The following FBRS variants were observed in gnomAD, a reference collection of about 807,000 sequenced individuals.
The protein encoded by FBRS is fibrosin, also known as probable fibrosin-1.
In FBRS, 15 loss-of-function variants were observed where a neutral mutation model predicts 86.1. The observed-to-expected ratio is 0.17, with a 90% CI of 0.12 to 0.27. The LOEUF (loss-of-function observed/expected upper bound fraction) is 0.27. Ranked by LOEUF, FBRS falls within the 10% of genes least tolerant of loss-of-function variation. The pLI is 1.00. For synonymous variants in FBRS, 666 were observed against 575.8 expected, an observed-to-expected ratio of 1.16 and a Z score of -2.24; for missense variants, 1,367 against 1,301.6, an observed-to-expected ratio of 1.05 and a Z score of -0.77.
Position 30,659,198 on chromosome 16 carries a change from G to T in FBRS, c.-321G>T, listed in dbSNP as rs1410502468. 6.5e-6 allele frequency: 1 copy of T among 154,794 alleles called. No individual in the cohort carries two copies. The highest frequency in any genetic ancestry group is 2.4e-5 in the African/African-American group (1 of 41,506). 9.6% of individuals were successfully genotyped at this position (154,794 alleles called of 1,614,324 possible). A position where few individuals can be genotyped will look rare whatever the true frequency, so the allele number is the denominator to read the frequency against. On this transcript the variant is annotated 5_prime_UTR_variant, in exon 1 of 18. Transcript: ENST00000356166. The stretch of plus-strand genomic sequence containing the variant: ...GGGGTGGCCACCGCACTAGGCCGCC[G>T]GACACTGTCGGGTCGTCTTAAAGGG...
At position 30,664,232 on chromosome 16, in the gene FBRS, C is replaced by G. The variant is rs548361821; in HGVS notation, c.1073C>G (p.Pro358Arg). The change falls in exon 7 of 18, where the codon CCC (proline) becomes CGC (arginine). Residue 358 changes from proline (P) to arginine (R), a missense_variant. This residue lies in a region of FBRS where 702 missense variants were observed against 598.7 expected (regional missense o/e 1.17). Coordinates refer to ENST00000356166, the MANE Select transcript of FBRS (RefSeq NM_001105079.3). ...LSTGSSSRPP[P>R]KAPAPPVAQP... ...CTCCCCAGCTCTTCACGGCCGCCCCCCAAGGCCCCGGCCCCTCCCGTGGCT... is the reference window on the plus strand; with the variant it reads ...CTCCCCAGCTCTTCACGGCCGCCCCGCAAGGCCCCGGCCCCTCCCGTGGCT... 47 of 1,443,394 alleles carry G rather than the reference C, an allele frequency of 3.3e-5. No homozygotes were observed. The highest frequency in any genetic ancestry group is 5.7e-5 in the African/African-American group (4 of 70,138). 89.4% of individuals were successfully genotyped at this position (1,443,394 alleles called of 1,614,324 possible).
Position 30,658,754 on chromosome 16 carries a change from C to T in FBRS, c.-765C>T, listed in dbSNP as rs1009198859. On this transcript the variant is annotated 5_prime_UTR_variant, in exon 1 of 18. Transcript: ENST00000356166. ...AGGCGGAGGCTGGAGGAGCTGGGCC[C>T]GGAGGAGGCCCCTTTAAATCTCCTT... 6.6e-5 allele frequency: 10 copies of T among 152,192 alleles called. No homozygotes were observed. Among genetic ancestry groups the T allele is most frequent in the African/African-American group, 2.4e-4 (10 of 41,438 alleles). The allele number at this position is 152,192 out of a possible 1,614,324, so 9.4% of individuals were successfully genotyped here.
intron 4 of FBRS, 148 bp from the exon 5 acceptor site, chr16:30,662,272 C>A: frequency 8.1e-7 from 1 of 1,235,744 alleles, no homozygotes. Flanking sequence ...CCCCCTAGAG[C>A]CCAGTCTTTG....
In FBRS at chr16:30,658,634, A is replaced by C. The variant is rs975416771; in HGVS notation, c.-885A>C. 1 of 152,336 alleles carries C rather than the reference A, an allele frequency of 6.6e-6. No homozygotes were observed. Among genetic ancestry groups the C allele is most frequent in the Non-Finnish European group, 1.5e-5 (1 of 68,090 alleles). 9.4% of individuals were successfully genotyped at this position (152,336 alleles called of 1,614,324 possible). The stretch of plus-strand genomic sequence containing the variant: ...GGAAGAGACTTTTATGTCGGCGGAC[A>C]GGGGAGCTGTACCCGTCACCGTTGC... On this transcript the variant is annotated 5_prime_UTR_variant, in exon 1 of 18. Coordinates refer to ENST00000356166, the MANE Select transcript of FBRS (RefSeq NM_001105079.3).
In FBRS at chr16:30,665,242, C is replaced by A; in HGVS notation, c.1609-64C>A. The A allele has an allele frequency of 6.5e-7, 1 of 1,530,034 alleles. No individual in the cohort carries two copies. The highest frequency in any genetic ancestry group is 8.8e-7 in the Non-Finnish European group (1 of 1,130,104). 94.8% of individuals were successfully genotyped at this position (1,530,034 alleles called of 1,614,324 possible). ...TTTAGGGTGGAGGCCCGTGGACTGACGGGCAGGCTGGACTTGGGCTGCGCC... is the reference window on the plus strand; with the variant it reads ...TTTAGGGTGGAGGCCCGTGGACTGAAGGGCAGGCTGGACTTGGGCTGCGCC... On this transcript the variant is annotated intron_variant, in intron 9 of 17. Transcript: ENST00000356166. The surrounding 1 kb of genome is among the most constrained non-coding windows in gnomAD (Gnocchi z 4.1).
intron 2 of FBRS, 85 bp downstream of exon 2, chr16:30,660,527 A>G: frequency 8.0e-7 from 1 of 1,255,972 alleles, no homozygotes. Context: ...CCCCTTGTAA[A>G]CAGAGACCCC....
chr16:30,664,700 C>T lies in FBRS; in HGVS notation c.1358-15C>T, dbSNP rs1348864893. 1.9e-5 allele frequency: 29 copies of T among 1,503,280 alleles called. No individual in the cohort carries two copies. The highest frequency in any genetic ancestry group is 8.4e-5 in the African/African-American group (6 of 71,764). 93.1% of individuals were successfully genotyped at this position (1,503,280 alleles called of 1,614,324 possible). ...TGGCGACAGCATTAAAGCCTTCTCC[C>T]GTCCCCTCCCACAGAGCAGGACCTG... On this transcript the variant is annotated splice_polypyrimidine_tract_variant and intron_variant, in intron 7 of 17. Coordinates refer to ENST00000356166, the MANE Select transcript of FBRS (RefSeq NM_001105079.3).
chr16:30,660,408 C>T lies in FBRS; in HGVS notation c.605C>T (p.Ala202Val). Residue 202 changes from alanine (A) to valine (V), a missense_variant, in exon 2 of 18, where the codon GCC becomes GTC. Ala to Val is a moderately conservative substitution (Grantham distance 64, BLOSUM62 0). This residue lies in a region of FBRS where 702 missense variants were observed against 598.7 expected (regional missense o/e 1.17). Transcript: ENST00000356166. ...CCTGGCCGGCCCCCTGGGGATCGGGCCCGAAAATGGCCCAATAAGCGGAGA... is the reference window on the plus strand; with the variant it reads ...CCTGGCCGGCCCCCTGGGGATCGGGTCCGAAAATGGCCCAATAAGCGGAGA... Reference protein sequence around the residue: ...REPGRPPGDRARKWPNKRRRK... With the variant: ...REPGRPPGDRVRKWPNKRRRK... 1 of 1,260,124 alleles carries T rather than the reference C, an allele frequency of 7.9e-7. No individual in the cohort carries two copies. Among genetic ancestry groups the T allele is most frequent in the Non-Finnish European group, 1.0e-6 (1 of 993,416 alleles). The allele number at this position is 1,260,124 out of a possible 1,614,324, so 78.1% of individuals were successfully genotyped here.
rs765550791 is a variant in FBRS, at chr16:30,666,952, G to T, written c.1837G>T (p.Val613Leu). The change falls in exon 13 of 18, where the codon GTG (valine) becomes TTG (leucine). Residue 613 changes from valine to leucine, a missense_variant. Physicochemically the swap from Val to Leu is conservative, Grantham distance 32. Around this residue, in one of 3 missense-constraint regions of FBRS, gnomAD observed 659 missense variants for 678.8 expected, o/e 0.97. Coordinates refer to ENST00000356166, the MANE Select transcript of FBRS (RefSeq NM_001105079.3). ...GAAGTGGTGTGCCATGCACGTGCGT[G>T]TGGCTTACATGATCCTGAGACACCA... Reference protein sequence around the residue: ...PGKWCAMHVRVAYMILRHQEK... With the variant: ...PGKWCAMHVRLAYMILRHQEK... 1.2e-6 allele frequency: 2 copies of T among 1,612,726 alleles called. No individual in the cohort carries two copies. The highest frequency in any genetic ancestry group is 3.3e-5 in the Admixed American group (2 of 59,804).
At chr16:30,663,494 A>G (rs752864208) in intron 6 of FBRS, among the ~76,000 whole-genome samples, 84 of 151,258 alleles carry the variant, frequency 5.6e-4, no homozygotes, top group Non-Finnish European at 9.7e-4. Flanking sequence ...TTCACACGCG[A>G]TTGCTTAGGG....
In FBRS at chr16:30,669,283, A is replaced by G. The variant is rs1302086857; in HGVS notation, c.2581A>G (p.Arg861Gly). 1.3e-6 allele frequency: 2 copies of G among 1,573,648 alleles called. No homozygotes were observed. The highest frequency in any genetic ancestry group is 2.7e-5 in the African/African-American group (2 of 73,696). ...GPQGLHLLFERPRPPPFLGPS... is the reference protein window; with the variant it reads ...GPQGLHLLFEGPRPPPFLGPS... ...CCAGGGCCTTCACCTGCTGTTTGAGAGGCCCCGGCCGCCCCCGTTTCTGGG... is the reference window on the plus strand; with the variant it reads ...CCAGGGCCTTCACCTGCTGTTTGAGGGGCCCCGGCCGCCCCCGTTTCTGGG... Residue 861 changes from arginine to glycine, a missense_variant, in exon 18 of 18, where the codon AGG becomes GGG. Physicochemically the swap from Arg to Gly is moderately radical, Grantham distance 125. This residue lies in a region of FBRS where 659 missense variants were observed against 678.8 expected (regional missense o/e 0.97). Coordinates refer to ENST00000356166, the MANE Select transcript of FBRS (RefSeq NM_001105079.3). This position sits in a 1 kb window ranked among gnomAD's most constrained non-coding sequence, Gnocchi z 5.9.
At chr16:30,662,275 A>C (rs1567544289) in intron 4 of FBRS, 145 bp from the exon 5 acceptor site, 11 of 1,263,744 alleles carry the variant, frequency 8.7e-6, no homozygotes, top group African/African-American at 1.5e-5. Flanking sequence ...CCTAGAGCCC[A>C]GTCTTTGATG....
Position 30,668,634 on chromosome 16 carries a change from C to G in FBRS, c.2149C>G (p.Pro717Ala). Reference sequence around the variant, plus strand: ...CGGGGCCTTTGGAGGCCTGGGCAGCCCCACATTCAGTGAGTGCGGGTGCGG... The same window carrying G: ...CGGGGCCTTTGGAGGCCTGGGCAGCGCCACATTCAGTGAGTGCGGGTGCGG... ...SNGAFGGLGS[P>A]TFNSGAVFAQ... Residue 717 changes from proline (P) to alanine (A), a missense_variant, in exon 16 of 18, where the codon CCC becomes GCC. Pro to Ala is a conservative substitution (Grantham distance 27). Coordinates refer to ENST00000356166, the MANE Select transcript of FBRS (RefSeq NM_001105079.3). 15 of 1,608,684 alleles carry G rather than the reference C, an allele frequency of 9.3e-6. No homozygotes were observed. Among genetic ancestry groups the G allele is most frequent in the East Asian group, 2.2e-5 (1 of 44,686 alleles).
intron 11 of FBRS, 94 bp from the exon 12 acceptor site, chr16:30,666,413 TCAGGC>T: frequency 6.8e-7 from 1 of 1,481,018 alleles, no homozygotes; most frequent in Non-Finnish European, 9.4e-7. Context: ...TCCCAGTGTC[TCAGGC>T]ATGTTGGGGG....
In FBRS at chr16:30,670,329, G is replaced by T; in HGVS notation, c.*684G>T. Reference sequence around the variant, plus strand: ...AACAGGGGGCAGGACCTGGGGACCTGGGCTGGAGGGAAGGGCAGAAGCTTC... The same window carrying T: ...AACAGGGGGCAGGACCTGGGGACCTTGGCTGGAGGGAAGGGCAGAAGCTTC... On this transcript the variant is annotated 3_prime_UTR_variant, in exon 18 of 18. Coordinates refer to ENST00000356166, the MANE Select transcript of FBRS (RefSeq NM_001105079.3). 2.6e-6 allele frequency: 1 copy of T among 385,924 alleles called. No homozygotes were observed. 23.9% of individuals were successfully genotyped at this position (385,924 alleles called of 1,614,324 possible). A position where few individuals can be genotyped will look rare whatever the true frequency, so the allele number is the denominator to read the frequency against.
In FBRS at chr16:30,659,259, G is replaced by A. The variant is rs1010979157; in HGVS notation, c.-260G>A. 4.2e-5 allele frequency: 7 copies of A among 168,504 alleles called. No homozygotes were observed. The South Asian group carries it at 6.0e-4, about 15-fold the overall frequency. 10.4% of individuals were successfully genotyped at this position (168,504 alleles called of 1,614,324 possible). On this transcript the variant is annotated 5_prime_UTR_variant, in exon 1 of 18. Transcript: ENST00000356166. ...GGACAACTTGGGGCCTCGCCTTAAA[G>A]GGACGGCCGCCCCGTTTTCGCCGTC...
In FBRS at chr16:30,659,938, C is replaced by G; in HGVS notation, c.420C>G (p.Gly140=). The G allele has an allele frequency of 2.6e-6, 4 of 1,551,178 alleles. No homozygotes were observed. In the South Asian group the frequency reaches 4.8e-5, roughly 18 times the overall value. The change falls in exon 1 of 18, where the codon GGC becomes GGG. Residue 140 remains glycine, a synonymous_variant. Transcript: ENST00000356166. Reference sequence around the variant, plus strand: ...AGGAGGAGGAGGACTTGATCGATGGCTTCGCCATCGCCAGCTTCGCCACCC... The same window carrying G: ...AGGAGGAGGAGGACTTGATCGATGGGTTCGCCATCGCCAGCTTCGCCACCC... ...EEEEEEDLID[G]FAIASFATLE...
In FBRS at chr16:30,664,531, C is replaced by T; in HGVS notation, c.1357+15C>T. On this transcript the variant is annotated intron_variant, in intron 7 of 17. Transcript: ENST00000356166. ...CGCCCTTTCTGGTGAGTTTGGGGTCCTGGCCGGGGGGTGGGGGGCCATCAC... is the reference window on the plus strand; with the variant it reads ...CGCCCTTTCTGGTGAGTTTGGGGTCTTGGCCGGGGGGTGGGGGGCCATCAC... 10 of 1,422,778 alleles carry T rather than the reference C, an allele frequency of 7.0e-6. No individual in the cohort carries two copies. Among genetic ancestry groups the T allele is most frequent in the Non-Finnish European group, 9.2e-6 (10 of 1,091,530 alleles). The allele number at this position is 1,422,778 out of a possible 1,614,324, so 88.1% of individuals were successfully genotyped here. A position where few individuals can be genotyped will look rare whatever the true frequency, so the allele number is the denominator to read the frequency against.
At chr16:30,667,493 A>C in intron 14 of FBRS, 49 bp from the exon 15 acceptor site, 2 of 1,512,560 alleles carry the variant, frequency 1.3e-6, no homozygotes, top group Admixed American at 2.2e-5. Context: ...CCTGAGGCCC[A>C]GCTTGTGCCC....
Sources: gnomAD v4.1 joint callset for allele counts (sites outside exome capture counted in the v4.1 genomes callset) on GRCh38, gnomAD v4.1.1 for gene constraint, gnomAD v4.1.1 regional missense constraint, Gnocchi (gnomAD v3.1) non-coding constraint, MANE v1.5 for transcripts, NCBI Gene and HGNC (gene_info 2026-07-23, HGNC 2026-07-21) for gene names.